The following TMEM114 variants were observed in gnomAD, a reference collection of about 807,000 sequenced individuals.
TMEM114 encodes transmembrane protein 114, also known as claudin-26.
Under a neutral mutation model 6.2 loss-of-function variants are expected in TMEM114, and 6 were observed. The observed-to-expected ratio is 0.97, with a 90% confidence interval of 0.53 to 1.91. The LOEUF (loss-of-function observed/expected upper bound fraction) is 1.91, where lower values mean the gene tolerates loss of function less well. TMEM114 is among the 40% of genes most tolerant of loss of function. The pLI is 0.01. For synonymous variants in TMEM114, 104 were observed against 73.0 expected (o/e 1.42, Z -2.16); for missense variants, 218 against 158.3 (o/e 1.38, Z -2.02).
intron 2 of TMEM114, among the ~76,000 whole-genome samples, chr16:8,562,002 AAATGAGTGACTG>A (rs1203804767): frequency 7.8e-5 from 11 of 140,266 alleles, no homozygotes; most frequent in African/African-American, 3.0e-4. Flanking sequence ...ATGAATGAGT[AAATGAGTGACTG>A]AATGTGTGAG....
At chr16:8,559,064 G>A (rs1264499456) in intron 2 of TMEM114, among the ~76,000 whole-genome samples, 1 of 134,458 alleles carries the variant, frequency 7.4e-6, no homozygotes, top group African/African-American at 2.7e-5. Flanking sequence ...TTCTTTTTGA[G>A]ATGGAGTTTG....
chr16:8,543,564 C>G (rs548665290), intron 2 of TMEM114, among the ~76,000 whole-genome samples: 1 of 152,224 alleles, frequency 6.6e-6, no homozygotes, highest in South Asian at 2.1e-4. Flanking sequence ...GAAACATCAT[C>G]TGGCCAACCC....
chr16:8,578,427 C>A (rs578091644), intron 2 of TMEM114, among the ~76,000 whole-genome samples: 1 of 152,140 alleles, frequency 6.6e-6, no homozygotes. Flanking sequence ...ACGTGGCCAC[C>A]TTCTCCCCTT....
the TMEM114 span, among the ~76,000 whole-genome samples, chr16:8,527,627 G>A: frequency 6.6e-6 from 1 of 152,102 alleles, no homozygotes; most frequent in Non-Finnish European, 1.5e-5. Context: ...CCCCTTTCTT[G>A]TTCTGTGTCT....
exon 3 of TMEM114, chr16:8,537,735 T>C (rs1306662652): frequency 6.6e-6 from 1 of 152,170 alleles, no homozygotes; most frequent in Non-Finnish European, 1.5e-5. Flanking sequence ...GGAACTTCTT[T>C]CCATGACGGC....
intron 2 of TMEM114, among the ~76,000 whole-genome samples, chr16:8,563,302 T>G (rs1183373848): frequency 6.7e-6 from 1 of 149,968 alleles, no homozygotes; most frequent in Non-Finnish European, 1.5e-5. Context: ...AGTGAATAAA[T>G]GAGTGAGTGA....
chr16:8,562,156 GTGAGTTAGTGAATGAGTGAA>G (rs1184041784), intron 2 of TMEM114, among the ~76,000 whole-genome samples: 1 of 151,500 alleles, frequency 6.6e-6, no homozygotes, highest in African/African-American at 2.4e-5. Context: ...TAGTGAATAA[GTGAGTTAGTGAATGAGTGAA>G]TGAGTCAGTG....
intron 2 of TMEM114, among the ~76,000 whole-genome samples, chr16:8,538,133 CAAAAAA>C (rs59194084): frequency 1.0e-4 from 8 of 76,348 alleles, no homozygotes; most frequent in African/African-American, 3.9e-4. Flanking sequence ...ACTGTCTCTA[CAAAAAA>C]AAAAAAAAAA....
rs563318789 is a variant in TMEM114, at chr16:8,550,134, G to C, written n.213-12308C>G. ...GAAGGCCAGAAGACTCAGCAAGTCA[G>C]CTTCTTCCACCATCTTCTGCCTGCT... On this transcript the variant is annotated intron_variant and non_coding_transcript_variant, in intron 2 of 2. Coordinates refer to the TMEM114 transcript ENST00000623677. Among the ~76,000 whole-genome samples, 3 of 152,334 alleles carry C rather than the reference G, an allele frequency of 2.0e-5. No homozygotes were observed. In the South Asian group the frequency reaches 6.2e-4, roughly 32 times the overall value.
In TMEM114 at chr16:8,562,581, G is replaced by GCGT. The variant is rs1901289629; in HGVS notation, n.213-24756_213-24755insACG. Among the ~76,000 whole-genome samples the GCGT allele has an allele frequency of 7.2e-4, 19 of 26,418 alleles. No homozygotes were observed. In the East Asian group the frequency reaches 8.7e-3, roughly 12 times the overall value. 17.3% of individuals were successfully genotyped at this position (26,418 alleles called of 152,430 possible). On this transcript the variant is annotated intron_variant and non_coding_transcript_variant, in intron 2 of 2. Transcript: ENST00000623677. ...GTCAATGAGTGAGTGAATGAGTGAG[G>GCGT]AAATAAGTAAGTGAATGAGTGAGTG...
At chr16:8,546,726 A>G (rs1900678507) in intron 2 of TMEM114, among the ~76,000 whole-genome samples, 1 of 152,206 alleles carries the variant, frequency 6.6e-6, no homozygotes, top group Admixed American at 6.5e-5. Flanking sequence ...GACCACTTGT[A>G]ATTATCCCAC....
chr16:8,555,538 G>A (rs1292037689), intron 2 of TMEM114, among the ~76,000 whole-genome samples: 3 of 152,164 alleles, frequency 2.0e-5, no homozygotes, highest in Non-Finnish European at 4.4e-5. Flanking sequence ...CATGGCAATG[G>A]TAAACTGTCA....
downstream of TMEM114, among the ~76,000 whole-genome samples, chr16:8,565,581 G>T (rs947642348): frequency 6.6e-6 from 1 of 152,106 alleles, no homozygotes; most frequent in Non-Finnish European, 1.5e-5. Context: ...CCCCCGGTTA[G>T]TCCAGCACAC....
intron 2 of TMEM114, among the ~76,000 whole-genome samples, chr16:8,550,571 T>C (rs889882134): frequency 6.6e-6 from 1 of 151,598 alleles, no homozygotes; most frequent in East Asian, 1.9e-4. Context: ...CCAGCGACTC[T>C]GGAGGCTGAG....
chr16:8,564,711 G>A (rs559545144), downstream of TMEM114, among the ~76,000 whole-genome samples: 3 of 149,794 alleles, frequency 2.0e-5, no homozygotes, highest in South Asian at 6.4e-4. Flanking sequence ...GTGAGTGAAT[G>A]AGTGAGTAAA....
chr16:8,570,378 C>T (rs535576132), intron 3 of TMEM114, among the ~76,000 whole-genome samples: 1 of 152,022 alleles, frequency 6.6e-6, no homozygotes, highest in South Asian at 2.1e-4. Flanking sequence ...TGCAGCGGTG[C>T]GATCTCAGCT....
intron 3 of TMEM114, 102 bp downstream of exon 3, chr16:8,571,985 C>G: frequency 7.3e-7 from 1 of 1,361,516 alleles, no homozygotes; most frequent in Middle Eastern, 2.7e-4. Flanking sequence ...CTGAACCCCA[C>G]GAGGCCCTGG....
At chr16:8,529,577 A>G in the TMEM114 span, among the ~76,000 whole-genome samples, 2 of 152,162 alleles carry the variant, frequency 1.3e-5, no homozygotes, top group African/African-American at 4.8e-5. Flanking sequence ...CTTCAGATGA[A>G]CTGAATTGGA....
intron 2 of TMEM114, among the ~76,000 whole-genome samples, chr16:8,578,085 C>T (rs1003242474): frequency 5.9e-5 from 9 of 152,004 alleles, no homozygotes; most frequent in South Asian, 2.1e-4. Context: ...CAGGCTGTGA[C>T]GTGTCACAGA....
Sources: allele counts gnomAD v4.1 joint callset (sites outside exome capture counted in the v4.1 genomes callset), GRCh38; gene constraint gnomAD v4.1.1; transcripts MANE v1.5; gene names NCBI Gene and HGNC (gene_info 2026-07-23, HGNC 2026-07-21).